DZIP1: variants seen among roughly 807,000 people sequenced by gnomAD.
DZIP1 encodes the protein cilium assembly protein DZIP1.
A neutral mutation model predicts 107.6 loss-of-function variants in DZIP1; 97 were observed. The observed-to-expected ratio is 0.90, with a 90% CI of 0.77 to 1.07. The LOEUF is 1.07. Among genes scored for constraint, DZIP1 ranks in the 50% least tolerant of loss-of-function variants. The pLI is 0.00. For synonymous variants in DZIP1, 390 were observed against 386.4 expected (o/e 1.01, Z -0.11); for missense variants, 1,035 against 1,063.6 (o/e 0.97, Z 0.37).
intron 10 of DZIP1, among the ~76,000 whole-genome samples, chr13:95,613,558 T>C (rs2045084468): frequency 6.6e-6 from 1 of 151,804 alleles, no homozygotes; most frequent in Non-Finnish European, 1.5e-5. Context: ...ATTCCAAGTC[T>C]ATGTCCTGGA....
rs1417533222 is a variant in DZIP1 at position 95,641,470 on chromosome 13, T to C, written c.422A>G (p.Gln141Arg). The C allele has an allele frequency of 1.9e-6, 3 of 1,614,138 alleles. No individual in the cohort carries two copies. The South Asian group carries it at 3.3e-5, about 18-fold the overall frequency. Residue 141 changes from glutamine to arginine, a missense_variant, in exon 5 of 23, where the codon CAG becomes CGG. Physicochemically the swap from Gln to Arg is conservative, Grantham distance 43. Coordinates refer to ENST00000376829, the MANE Select transcript of DZIP1 (RefSeq NM_198968.4). This position sits in a 1 kb window ranked among gnomAD's most constrained non-coding sequence, Gnocchi z 4.3. ...CAGCCGCTCCTCCAGGGTGTGCAGC[T>C]GCGAGGTGAGGAACTCTTGTGAGTG... is the stretch of plus-strand genomic sequence containing the variant. Reference protein sequence around the residue: ...LLHSQEFLTSQLHTLEERLRL... With the variant: ...LLHSQEFLTSRLHTLEERLRL...
At chr13:95,583,492 GAAC>G (rs2044065028) in intron 22 of DZIP1, among the ~76,000 whole-genome samples, 2 of 151,974 alleles carry the variant, frequency 1.3e-5, no homozygotes, top group Non-Finnish European at 2.9e-5. Flanking sequence ...GAAGCCTTCT[GAAC>G]AACTCAGCTT....
intron 10 of DZIP1, among the ~76,000 whole-genome samples, 160 bp downstream of exon 10, chr13:95,619,725 G>A (rs1047529729): frequency 6.6e-6 from 1 of 151,748 alleles, no homozygotes; most frequent in Non-Finnish European, 1.5e-5. Context: ...GAAAGTAGTA[G>A]CAGTGGTTAT....
In DZIP1 at chr13:95,590,327, C is replaced by A; in HGVS notation, c.1795G>T (p.Glu599Ter). 6.2e-7 allele frequency: 1 copy of A among 1,613,870 alleles called. No homozygotes were observed. The highest frequency in any genetic ancestry group is 1.1e-5 in the South Asian group (1 of 91,014). The stretch of plus-strand genomic sequence containing the variant: ...TCAATTTTACAGCTGACTTGATGTT[C>A]AAGGAATTCTCGAATTTGATGAAAG... ...PNFHQIREFL[E>*]HQVSCKIEEK... The change falls in exon 17 of 23, where the codon GAA becomes TAA. Residue 599 changes from glutamate (E) to a stop codon, truncating the protein, a stop_gained. Coordinates refer to ENST00000376829, the MANE Select transcript of DZIP1 (RefSeq NM_198968.4). LOFTEE classifies it high-confidence loss of function.
At position 95,641,776 on chromosome 13, in the gene DZIP1, C is replaced by T; in HGVS notation, c.116G>A (p.Gly39Asp). The T allele has an allele frequency of 1.9e-6, 3 of 1,543,266 alleles. No individual in the cohort carries two copies. The highest frequency in any genetic ancestry group is 2.6e-6 in the Non-Finnish European group (3 of 1,156,898). ...PDVAVAAAAA[G>D]AASMACAPPS... ...GGGCGCACAGGCCATGGAGGCCGCA[C>T]CCGCGGCGGCGGCGGCCACAGCGAC... Residue 39 changes from glycine to aspartate, a missense_variant, in exon 5 of 23, where the codon GGT becomes GAT. By Grantham distance (94) the Gly-to-Asp change is moderately conservative. Transcript: ENST00000376829. The surrounding 1 kb of genome is among the most constrained non-coding windows in gnomAD (Gnocchi z 4.3).
At chr13:95,611,953 C>T (rs2045021922) in intron 11 of DZIP1, 84 bp downstream of exon 11, 6 of 1,521,928 alleles carry the variant, frequency 3.9e-6, no homozygotes, top group South Asian at 1.3e-5. Flanking sequence ...ATACCACTTA[C>T]AAATGCTCTA....
intron 9 of DZIP1, 77 bp from the exon 10 acceptor site, chr13:95,620,024 T>G (rs1272095365): frequency 1.4e-6 from 2 of 1,470,194 alleles, no homozygotes; most frequent in Non-Finnish European, 1.9e-6. Context: ...TCCTTTTTAG[T>G]GAATACCTAT....
Position 95,622,345 on chromosome 13 carries a change from G to A in DZIP1, c.1108C>T (p.Gln370Ter). Residue 370 changes from glutamine (Q) to a stop codon, truncating the protein, a stop_gained and splice_region_variant, in exon 9 of 23, where the codon CAG becomes TAG. Coordinates refer to ENST00000376829, the MANE Select transcript of DZIP1 (RefSeq NM_198968.4). LOFTEE classifies it high-confidence loss of function. ...FHNVMQLLDS[Q>*]ESKWTARVQA... is the part of the protein sequence containing the mutation. ...AGCTGTCACCCACTTGCACGTACCT[G>A]ACTATCAAGAAGCTGCATGACATTA... The A allele has an allele frequency of 6.2e-7, 1 of 1,614,168 alleles. No individual in the cohort carries two copies. Among genetic ancestry groups the A allele is most frequent in the Non-Finnish European group, 8.5e-7 (1 of 1,180,022 alleles).
chr13:95,582,084 A>C lies in DZIP1; in HGVS notation c.*150T>G. 1.4e-6 allele frequency: 1 copy of C among 692,412 alleles called. No individual in the cohort carries two copies. The highest frequency in any genetic ancestry group is 2.5e-6 in the Non-Finnish European group (1 of 396,256). 42.9% of individuals were successfully genotyped at this position (692,412 alleles called of 1,614,324 possible). On this transcript the variant is annotated 3_prime_UTR_variant, in exon 23 of 23. Coordinates refer to ENST00000376829, the MANE Select transcript of DZIP1 (RefSeq NM_198968.4). ...GATTTTCAATACTGTATTGGGTGCC[A>C]TTAAAGAGACCATTGTTCTTTGAAT...
At chr13:95,622,232 T>G (rs935416628) in intron 9 of DZIP1, 111 bp downstream of exon 9, 54 of 1,387,554 alleles carry the variant, frequency 3.9e-5, no homozygotes, top group African/African-American at 2.8e-4. Flanking sequence ...CTAGTCACCT[T>G]CAGGGTTACT....
rs1555306626 is a variant in DZIP1 at position 95,600,629 on chromosome 13, T to TAGACAGACAGACAGACAGAC, written c.1478-1225_1478-1206dup. Among the ~76,000 whole-genome samples, 228 of 147,558 alleles carry TAGACAGACAGACAGACAGAC rather than the reference T, an allele frequency of 1.5e-3. 11 individuals carry two copies. The highest frequency in any genetic ancestry group is 1.1e-3 in the Admixed American group (16 of 14,746). ...ATAGATAGATAGATAGATAGATAGA[T>TAGACAGACAGACAGACAGAC]AGACAGACAGACAGACAGACAGGCT... On this transcript the variant is annotated intron_variant, in intron 14 of 22. Transcript: ENST00000376829.
At chr13:95,589,116 A>AT in intron 19 of DZIP1, 38 bp downstream of exon 19, 1 of 1,550,094 alleles carries the variant, frequency 6.5e-7, no homozygotes, top group Non-Finnish European at 8.8e-7. Context: ...AGTGAAAATA[A>AT]TTTTTTAAAT....
intron 15 of DZIP1, among the ~76,000 whole-genome samples, chr13:95,594,694 A>T (rs1382242859): frequency 2.6e-5 from 4 of 152,148 alleles, no homozygotes; most frequent in Non-Finnish European, 5.9e-5. Context: ...AGCTAAGTAC[A>T]TATAAAATTT....
Position 95,625,967 on chromosome 13 carries a change from TA to T in DZIP1, c.811-1039del, listed in dbSNP as rs775715417. The stretch of plus-strand genomic sequence containing the variant: ...GTGAGACCTCATCTCTACCAAAAAT[TA>T]AAAAAAAAAAAAAATTAGCCAGGTA... On this transcript the variant is annotated intron_variant, in intron 7 of 22. Transcript: ENST00000376829. 5.0e-3 allele frequency among the ~76,000 whole-genome samples: 699 copies of T among 138,598 alleles called. 1 individual carries two copies. The highest frequency in any genetic ancestry group is 0.011 in the Middle Eastern group (3 of 272). The allele number at this position is 138,598 out of a possible 152,430, so 90.9% of individuals were successfully genotyped here.
At chr13:95,636,179 AAAAG>A (rs1249498058) in intron 5 of DZIP1, among the ~76,000 whole-genome samples, 1 of 140,514 alleles carries the variant, frequency 7.1e-6, no homozygotes, top group Non-Finnish European at 1.6e-5. Flanking sequence ...AATGAGTTTA[AAAAG>A]AAAGATAAAA....
intron 14 of DZIP1, among the ~76,000 whole-genome samples, chr13:95,602,044 C>T (rs1394202439): frequency 6.6e-6 from 1 of 152,070 alleles, no homozygotes; most frequent in Non-Finnish European, 1.5e-5. Flanking sequence ...CTCCCATAGC[C>T]CAGCTCTCCA....
rs566748533 is a variant in DZIP1, at chr13:95,581,400, G to A, written c.*834C>T. On this transcript the variant is annotated 3_prime_UTR_variant, in exon 23 of 23. Coordinates refer to ENST00000376829, the MANE Select transcript of DZIP1 (RefSeq NM_198968.4). ...GGCTCAAATATTTTCTATTTAGTCTGATAAATTAATTGGCACTTAAAATAA... is the reference window on the plus strand; with the variant it reads ...GGCTCAAATATTTTCTATTTAGTCTAATAAATTAATTGGCACTTAAAATAA... 7 of 152,302 alleles carry A rather than the reference G, an allele frequency of 4.6e-5. No individual in the cohort carries two copies. The highest frequency in any genetic ancestry group is 8.8e-5 in the Non-Finnish European group (6 of 67,982). The allele number at this position is 152,302 out of a possible 1,614,324, so 9.4% of individuals were successfully genotyped here.
intron 13 of DZIP1, among the ~76,000 whole-genome samples, chr13:95,608,047 C>T (rs2044838117): frequency 6.6e-6 from 1 of 152,152 alleles, no homozygotes; most frequent in Non-Finnish European, 1.5e-5. Flanking sequence ...ATGAAAACTT[C>T]CCTGCCATCA....
chr13:95,633,184 G>T (rs1877402382), intron 6 of DZIP1, 50 bp downstream of exon 6: 1 of 1,550,994 alleles, frequency 6.4e-7, no homozygotes. Flanking sequence ...ATTGCCAAAA[G>T]AAAAAGGGAG....
Sources: gnomAD v4.1 joint callset for allele counts (sites outside exome capture counted in the v4.1 genomes callset) on GRCh38, gnomAD v4.1.1 for gene constraint, Gnocchi (gnomAD v3.1) non-coding constraint, MANE v1.5 for transcripts, NCBI Gene and HGNC (gene_info 2026-07-23, HGNC 2026-07-21) for gene names.